The following IMMP2L variants were observed in gnomAD, a reference collection of about 807,000 sequenced individuals.
IMMP2L encodes the protein inner mitochondrial membrane peptidase subunit 2.
In IMMP2L, 18 loss-of-function variants were observed where a neutral mutation model predicts 19.3. The ratio of observed to expected loss-of-function variants is 0.93; its 90% CI spans 0.64 to 1.38. The LOEUF (loss-of-function observed/expected upper bound fraction) is 1.38. Ranked by LOEUF, IMMP2L falls within the 40% of genes most tolerant of loss-of-function variation. IMMP2L has a pLI of 0.00. For missense variants in IMMP2L, 233 were observed against 218.2 expected (o/e 1.07, Z -0.43); for synonymous variants, 76 against 73.0 (o/e 1.04, Z -0.21).
chr7:110,696,627 T>C (rs1318659021), intron 5 of IMMP2L, among the ~76,000 whole-genome samples: 1 of 152,036 alleles, frequency 6.6e-6, no homozygotes, highest in East Asian at 1.9e-4. Flanking sequence ...GGTTTCACCA[T>C]GTTGGCCAGG....
intron 3 of IMMP2L, among the ~76,000 whole-genome samples, chr7:111,158,936 G>A (rs2129605791): frequency 6.6e-6 from 1 of 152,250 alleles, no homozygotes; most frequent in East Asian, 1.9e-4. Flanking sequence ...TAAATGGAGA[G>A]TCTTCTCTTC....
chr7:111,383,236 T>C (rs776094650), intron 3 of IMMP2L, among the ~76,000 whole-genome samples: 13 of 152,116 alleles, frequency 8.5e-5, no homozygotes, highest in Non-Finnish European at 1.6e-4. Flanking sequence ...GAGTCATAGT[T>C]ATCATACTTT....
chr7:111,124,995 A>T, intron 3 of IMMP2L: 1 of 870,176 alleles, frequency 1.1e-6, no homozygotes, highest in East Asian at 2.7e-5. Context: ...ACAAACAAAC[A>T]AAAAAGTAAA....
At chr7:111,356,241 T>C (rs1433755223) in intron 3 of IMMP2L, among the ~76,000 whole-genome samples, 2 of 152,034 alleles carry the variant, frequency 1.3e-5, no homozygotes, top group Admixed American at 1.3e-4. Flanking sequence ...TATCCATGGG[T>C]TCCTCATCTG....
At chr7:111,369,675 C>T (rs1830095630) in intron 3 of IMMP2L, among the ~76,000 whole-genome samples, 1 of 151,954 alleles carries the variant, frequency 6.6e-6, no homozygotes, top group African/African-American at 2.4e-5. Flanking sequence ...TAAATCACAT[C>T]TCCAAGAATA....
At chr7:110,819,837 T>C (rs1415110633) in intron 5 of IMMP2L, among the ~76,000 whole-genome samples, 4 of 151,944 alleles carry the variant, frequency 2.6e-5, no homozygotes, top group Non-Finnish European at 1.5e-5. Flanking sequence ...CAACTATTGA[T>C]TTCCATGGTG....
chr7:110,928,030 A>T (rs2129551313), intron 4 of IMMP2L, among the ~76,000 whole-genome samples: 1 of 151,992 alleles, frequency 6.6e-6, no homozygotes, highest in Middle Eastern at 3.4e-3. Flanking sequence ...TCTATTTTAG[A>T]GCAGGGCCAG....
chr7:110,972,868 C>T (rs1820292858), intron 3 of IMMP2L, among the ~76,000 whole-genome samples: 1 of 152,176 alleles, frequency 6.6e-6, no homozygotes, highest in African/African-American at 2.4e-5. Flanking sequence ...GGGTTCTACT[C>T]ATTTAACAGG....
At chr7:110,951,255 G>C (rs1295738484) in intron 4 of IMMP2L, among the ~76,000 whole-genome samples, 2 of 151,752 alleles carry the variant, frequency 1.3e-5, no homozygotes, top group Non-Finnish European at 2.9e-5. Flanking sequence ...TCTTTCAAGA[G>C]GGTAGATCTC....
chr7:111,517,019 T>C (rs1465874462), intron 2 of IMMP2L, among the ~76,000 whole-genome samples: 1 of 152,130 alleles, frequency 6.6e-6, no homozygotes, highest in Admixed American at 6.6e-5. Context: ...TGTATCTCTT[T>C]TCTTAAGAGT....
chr7:111,243,022 T>C (rs147131567), intron 3 of IMMP2L, among the ~76,000 whole-genome samples: 1 of 152,216 alleles, frequency 6.6e-6, no homozygotes, highest in Non-Finnish European at 1.5e-5. Flanking sequence ...ATCACAAATC[T>C]CTTTTTGTGC....
In IMMP2L at chr7:111,309,607, T is replaced by C. The variant is rs371442021; in HGVS notation, c.239+177631A>G. Among the ~76,000 whole-genome samples, 11 of 152,252 alleles carry C rather than the reference T, an allele frequency of 7.2e-5. No homozygotes were observed. In the East Asian group the frequency reaches 1.5e-3, roughly 21 times the overall value. On this transcript the variant is annotated intron_variant, in intron 3 of 5. Coordinates refer to ENST00000405709, the MANE Select transcript of IMMP2L (RefSeq NM_032549.4). ...ACCGAAAAGTTCAATAGATACAATA[T>C]AGGGAATATGATTCATGTATTTGGA...
chr7:111,458,662 A>T (rs1253990295), intron 3 of IMMP2L, among the ~76,000 whole-genome samples: 1 of 151,976 alleles, frequency 6.6e-6, no homozygotes, highest in Non-Finnish European at 1.5e-5. Flanking sequence ...TTCCTCTTCT[A>T]TCCCACCAGC....
intron 5 of IMMP2L, among the ~76,000 whole-genome samples, chr7:110,818,769 A>G (rs1036853493): frequency 3.3e-5 from 5 of 152,062 alleles, no homozygotes; most frequent in African/African-American, 1.2e-4. Context: ...ACCATGGAAT[A>G]CTATGCAGCC....
intron 5 of IMMP2L, among the ~76,000 whole-genome samples, chr7:110,672,820 C>T (rs911527360): frequency 7.9e-5 from 12 of 152,204 alleles, no homozygotes; most frequent in African/African-American, 2.7e-4. Context: ...TGGCCTTGGG[C>T]AGCTCCGTCC....
chr7:111,220,943 T>A (rs1213769191), intron 3 of IMMP2L, among the ~76,000 whole-genome samples: 2 of 152,026 alleles, frequency 1.3e-5, no homozygotes, highest in East Asian at 3.9e-4. Flanking sequence ...CTCAATAGAT[T>A]GGATGATGTC....
chr7:111,497,572 G>A (rs560440644), intron 2 of IMMP2L, among the ~76,000 whole-genome samples: 1 of 152,112 alleles, frequency 6.6e-6, no homozygotes, highest in South Asian at 2.1e-4. Context: ...AAACTGCTAT[G>A]ATCCAATTTC....
chr7:111,264,688 C>G (rs1380574158), intron 3 of IMMP2L, among the ~76,000 whole-genome samples: 1 of 151,104 alleles, frequency 6.6e-6, no homozygotes, highest in South Asian at 2.1e-4. Context: ...AATGCACGGC[C>G]AACTGGGAGG....
At chr7:110,770,613 T>C (rs1332301872) in intron 5 of IMMP2L, among the ~76,000 whole-genome samples, 2 of 152,176 alleles carry the variant, frequency 1.3e-5, no homozygotes, top group Admixed American at 6.5e-5. Flanking sequence ...TTTTTATACA[T>C]ACAATACAGC....
Sources: allele counts gnomAD v4.1 joint callset (sites outside exome capture counted in the v4.1 genomes callset), GRCh38; gene constraint gnomAD v4.1.1; transcripts MANE v1.5; gene names NCBI Gene and HGNC (gene_info 2026-07-23, HGNC 2026-07-21).